The following MEIS1 variants were observed in gnomAD, a reference collection of about 807,000 sequenced individuals.
MEIS1 encodes Meis homeobox 1.
In MEIS1, 5 loss-of-function variants were observed where a neutral mutation model predicts 50.8. The observed-to-expected ratio is 0.10, with a 90% CI of 0.05 to 0.21. The LOEUF is 0.21. MEIS1 is among the 10% of genes least tolerant of loss of function. MEIS1 has a pLI of 1.00. For missense variants in MEIS1, 318 were observed against 517.3 expected, an observed-to-expected ratio of 0.61 and a Z score of 3.74; for synonymous variants, 176 against 179.3, an observed-to-expected ratio of 0.98 and a Z score of 0.15.
At chr2:66,465,765 A>G (rs1672620934) in intron 7 of MEIS1, among the ~76,000 whole-genome samples, 1 of 152,214 alleles carries the variant, frequency 6.6e-6, no homozygotes, top group Non-Finnish European at 1.5e-5. Flanking sequence ...TGAATTTAAA[A>G]TTGTAATGCA....
At chr2:66,444,077 A>T (rs750221409) in intron 6 of MEIS1, among the ~76,000 whole-genome samples, 1 of 152,242 alleles carries the variant, frequency 6.6e-6, no homozygotes, top group Non-Finnish European at 1.5e-5. Flanking sequence ...GAAAACGTGT[A>T]GAGTGAGTGA....
intron 8 of MEIS1, among the ~76,000 whole-genome samples, chr2:66,526,539 T>C (rs990189805): frequency 4.6e-5 from 7 of 152,342 alleles, no homozygotes; most frequent in African/African-American, 1.4e-4. Flanking sequence ...GTATGTGTGG[T>C]GTGCCCCTGC....
In MEIS1 at chr2:66,437,494, T is replaced by C. The variant is rs555550638; in HGVS notation, c.13-243T>C. On this transcript the variant is annotated intron_variant, in intron 1 of 12. Coordinates refer to ENST00000272369, the MANE Select transcript of MEIS1 (RefSeq NM_002398.3). ...AAAGGAGCCTGAATTTCTAAACTAG[T>C]TGATAGGGACACAAGTTAGGGCAAG... 402 of 527,024 alleles carry C rather than the reference T, an allele frequency of 7.6e-4. 2 individuals are homozygous for C. The highest frequency in any genetic ancestry group is 1.5e-3 in the South Asian group (54 of 36,358). The allele number at this position is 527,024 out of a possible 1,614,324, so 32.6% of individuals were successfully genotyped here.
At chr2:66,436,679 A>T (rs1325893764) in intron 1 of MEIS1, among the ~76,000 whole-genome samples, 1 of 152,234 alleles carries the variant, frequency 6.6e-6, no homozygotes, top group East Asian at 1.9e-4. Context: ...GGCAAATGTC[A>T]GCGTTCTTCC....
intron 9 of MEIS1, among the ~76,000 whole-genome samples, chr2:66,560,469 C>G (rs1025376260): frequency 1.3e-5 from 2 of 151,456 alleles, no homozygotes; most frequent in Admixed American, 6.6e-5. Context: ...TGATGCATAA[C>G]TGTAGTCCTC....
intron 8 of MEIS1, among the ~76,000 whole-genome samples, chr2:66,526,824 G>A (rs190546663): frequency 2.4e-4 from 37 of 152,194 alleles, no homozygotes; most frequent in South Asian, 1.0e-3. Context: ...TACATTTGTC[G>A]GTATCAGAAG....
At chr2:66,537,365 T>C (rs1480307322) in intron 8 of MEIS1, among the ~76,000 whole-genome samples, 2 of 152,138 alleles carry the variant, frequency 1.3e-5, no homozygotes, top group Non-Finnish European at 2.9e-5. Flanking sequence ...GATCAGCAGG[T>C]GTGGAGCAGC....
Position 66,440,638 on chromosome 2 carries a change from C to T in MEIS1, c.432+26C>T, listed in dbSNP as rs766146281. 17 of 1,142,988 alleles carry T rather than the reference C, an allele frequency of 1.5e-5. No individual in the cohort carries two copies. In the East Asian group the frequency reaches 6.9e-4, roughly 46 times the overall value. The allele number at this position is 1,142,988 out of a possible 1,614,324, so 70.8% of individuals were successfully genotyped here. On this transcript the variant is annotated intron_variant, in intron 4 of 12. Coordinates refer to ENST00000272369, the MANE Select transcript of MEIS1 (RefSeq NM_002398.3). ...GTAAGAGCGGACCCCTATTTCCCTC[C>T]CCCGCCCCCGACCCCCTACCTCCCA...
intron 8 of MEIS1, among the ~76,000 whole-genome samples, chr2:66,546,802 T>C (rs1674801395): frequency 6.6e-6 from 1 of 152,192 alleles, no homozygotes; most frequent in Admixed American, 6.6e-5. Flanking sequence ...ATCCCCTGTG[T>C]ATAGATATAG....
intron 7 of MEIS1, among the ~76,000 whole-genome samples, chr2:66,498,827 C>T (rs1032431045): frequency 4.6e-5 from 7 of 152,138 alleles, no homozygotes; most frequent in Admixed American, 1.3e-4. Flanking sequence ...AGTGTGGCCT[C>T]GGCAGTCCCT....
chr2:66,537,858 G>A (rs1674558603), intron 8 of MEIS1, among the ~76,000 whole-genome samples: 1 of 152,138 alleles, frequency 6.6e-6, no homozygotes, highest in South Asian at 2.1e-4. Flanking sequence ...GTAGAGATGG[G>A]CTATACATAG....
intron 8 of MEIS1, among the ~76,000 whole-genome samples, chr2:66,543,162 A>C (rs1674697138): frequency 6.6e-6 from 1 of 152,168 alleles, no homozygotes; most frequent in Admixed American, 6.5e-5. Flanking sequence ...GTAAAATGAC[A>C]GCTCAGGCTT....
At chr2:66,436,876 T>C (rs1169245523) in intron 1 of MEIS1, 1 of 980,562 alleles carries the variant, frequency 1.0e-6, no homozygotes, top group Admixed American at 6.2e-5. Context: ...AAAGTAGTTT[T>C]TTTTTTTTTT....
At chr2:66,556,440 A>G (rs540036110) in intron 9 of MEIS1, among the ~76,000 whole-genome samples, 1 of 152,306 alleles carries the variant, frequency 6.6e-6, no homozygotes, top group Non-Finnish European at 1.5e-5. Context: ...ACTTAGCTCA[A>G]AAATAAATGT....
chr2:66,479,888 G>A (rs1316681655), intron 7 of MEIS1, among the ~76,000 whole-genome samples: 2 of 152,180 alleles, frequency 1.3e-5, no homozygotes, highest in Admixed American at 6.5e-5. Flanking sequence ...AAATCTCACT[G>A]CATTTTCCTT....
intron 3 of MEIS1, 27 bp downstream of exon 3, chr2:66,440,011 A>C: frequency 6.4e-7 from 1 of 1,572,366 alleles, no homozygotes; most frequent in Middle Eastern, 1.9e-4. Context: ...TTAAAAAGTA[A>C]AAGAAACAAA....
intron 7 of MEIS1, among the ~76,000 whole-genome samples, chr2:66,490,412 G>A (rs1673243724): frequency 6.6e-6 from 1 of 152,158 alleles, no homozygotes; most frequent in Non-Finnish European, 1.5e-5. Context: ...ATGGATACCT[G>A]TTTGGGGAAG....
Position 66,435,593 on chromosome 2 carries a change from A to C in MEIS1, c.-264A>C. 1 of 395,776 alleles carries C rather than the reference A, an allele frequency of 2.5e-6. No individual in the cohort carries two copies. Among genetic ancestry groups the C allele is most frequent in the Non-Finnish European group, 4.4e-6 (1 of 225,222 alleles). 24.5% of individuals were successfully genotyped at this position (395,776 alleles called of 1,614,324 possible). ...TTTTAAACTGATTTTTGGGGGAGAG[A>C]AGATCTGCTTTTTTTTGCCCCCGCT... On this transcript the variant is annotated 5_prime_UTR_variant, in exon 1 of 13. Transcript: ENST00000272369.
intron 9 of MEIS1, among the ~76,000 whole-genome samples, chr2:66,558,844 T>C: frequency 6.6e-6 from 1 of 152,068 alleles, no homozygotes; most frequent in South Asian, 2.1e-4. Flanking sequence ...GCTAAGATTC[T>C]TTAATACCTG....
Sources: gnomAD v4.1 joint callset for allele counts (sites outside exome capture counted in the v4.1 genomes callset) on GRCh38, gnomAD v4.1.1 for gene constraint, MANE v1.5 for transcripts, NCBI Gene and HGNC (gene_info 2026-07-23, HGNC 2026-07-21) for gene names.